The following RBBP4 variants were observed in gnomAD, a reference collection of about 807,000 sequenced individuals.
RBBP4 encodes the protein histone-binding protein RBBP4.
Under a neutral mutation model 57.2 loss-of-function variants are expected in RBBP4, and 3 were observed. The ratio of observed to expected loss-of-function variants is 0.05; its 90% confidence interval spans 0.02 to 0.14. The LOEUF (loss-of-function observed/expected upper bound fraction) is 0.14, where lower values mean the gene tolerates loss of function less well. Ranked by LOEUF, RBBP4 falls within the 10% of genes least tolerant of loss-of-function variation. The pLI is 1.00. For synonymous variants in RBBP4, 151 were observed against 171.5 expected (o/e 0.88, Z 0.93); for missense variants, 107 against 520.6 (o/e 0.21, Z 7.73).
At chr1:32,658,044 G>A (rs1042637017) in intron 3 of RBBP4, among the ~76,000 whole-genome samples, 23 of 151,978 alleles carry the variant, frequency 1.5e-4, no homozygotes, top group Admixed American at 2.6e-4. Flanking sequence ...GTGGAGACAG[G>A]GTTTCACCAA....
Position 32,680,531 on chromosome 1 carries a change from A to G in RBBP4, c.*826A>G. On this transcript the variant is annotated 3_prime_UTR_variant, in exon 12 of 12. Coordinates refer to ENST00000373493, the MANE Select transcript of RBBP4 (RefSeq NM_005610.3). ...GAGTTGCTTTTTTTTTTTAGGAGTT[A>G]GTCCTTGACCACTAGTTTGATGCCA... The G allele has an allele frequency of 1.3e-6, 2 of 1,528,504 alleles. No individual in the cohort carries two copies. Among genetic ancestry groups the G allele is most frequent in the Non-Finnish European group, 1.8e-6 (2 of 1,134,346 alleles). The allele number at this position is 1,528,504 out of a possible 1,614,324, so 94.7% of individuals were successfully genotyped here.
At chr1:32,659,233 CAA>C (rs1278433807) in intron 3 of RBBP4, among the ~76,000 whole-genome samples, 1 of 150,970 alleles carries the variant, frequency 6.6e-6, no homozygotes. Flanking sequence ...ATTTTACACA[CAA>C]TGTAAAAAAC....
Position 32,669,380 on chromosome 1 carries a change from G to A in RBBP4, c.888+23G>A. 6.3e-7 allele frequency: 1 copy of A among 1,582,416 alleles called. No individual in the cohort carries two copies. The highest frequency in any genetic ancestry group is 8.5e-7 in the Non-Finnish European group (1 of 1,170,338). ...AAGGTCAGTTTCGTTTATTTTAATA[G>A]AAAACATAATTTCTCTAGGTTTTTT... On this transcript the variant is annotated intron_variant, in intron 7 of 11. Transcript: ENST00000373493. This position sits in a 1 kb window ranked among gnomAD's most constrained non-coding sequence, Gnocchi z 4.9.
chr1:32,657,309 C>G, intron 2 of RBBP4, 118 bp from the exon 3 acceptor site: 1 of 986,146 alleles, frequency 1.0e-6, no homozygotes, highest in Non-Finnish European at 1.5e-6. Context: ...CCCTTAATGA[C>G]TTTTTCCCCT....
chr1:32,653,948 G>C (rs922176930), intron 2 of RBBP4, among the ~76,000 whole-genome samples: 1 of 151,882 alleles, frequency 6.6e-6, no homozygotes, highest in African/African-American at 2.4e-5. Flanking sequence ...GTGAGCCACC[G>C]CGCCCGGCCT....
chr1:32,673,043 C>T (rs566489658), intron 11 of RBBP4, 142 bp downstream of exon 11: 1 of 705,074 alleles, frequency 1.4e-6, no homozygotes, highest in Admixed American at 2.8e-5. Flanking sequence ...TATACATTAT[C>T]ATTTTCAGCT....
intron 3 of RBBP4, among the ~76,000 whole-genome samples, chr1:32,662,670 A>G (rs2148521800): frequency 6.6e-6 from 1 of 151,824 alleles, no homozygotes; most frequent in East Asian, 2.0e-4. Flanking sequence ...CACCATGCCC[A>G]GCCTAGTTTT....
In RBBP4 at chr1:32,685,660, G is replaced by A. The variant is rs1459454557; in HGVS notation, c.*5955G>A. ...AGTGCCCAGCCATGCCTAAGAGTGT[G>A]TCATCTGAAGAGGGAAGCATCTGCA... On this transcript the variant is annotated 3_prime_UTR_variant, in exon 12 of 12. Coordinates refer to ENST00000373493, the MANE Select transcript of RBBP4 (RefSeq NM_005610.3). The A allele has an allele frequency of 2.0e-5, 3 of 152,194 alleles. No individual in the cohort carries two copies. The highest frequency in any genetic ancestry group is 2.9e-5 in the Non-Finnish European group (2 of 68,080). 9.4% of individuals were successfully genotyped at this position (152,194 alleles called of 1,614,324 possible). A position where few individuals can be genotyped will look rare whatever the true frequency, so the allele number is the denominator to read the frequency against.
chr1:32,683,863 C>G lies in RBBP4; in HGVS notation c.*4158C>G, dbSNP rs1649618094. 1 of 708,584 alleles carries G rather than the reference C, an allele frequency of 1.4e-6. No homozygotes were observed. The highest frequency in any genetic ancestry group is 2.7e-5 in the East Asian group (1 of 37,022). The allele number at this position is 708,584 out of a possible 1,614,324, so 43.9% of individuals were successfully genotyped here. ...GGCCAGGCTGGTCTTGAACTCCTGA[C>G]TCCAGGTGATCCACCCTCCTCAGCC... On this transcript the variant is annotated 3_prime_UTR_variant, in exon 12 of 12. Transcript: ENST00000373493.
At chr1:32,677,822 A>AG (rs1649170717) in intron 11 of RBBP4, among the ~76,000 whole-genome samples, 1 of 152,190 alleles carries the variant, frequency 6.6e-6, no homozygotes, top group Non-Finnish European at 1.5e-5. Flanking sequence ...GTCAGATCAC[A>AG]AGCTCTTTGA....
chr1:32,654,879 G>A (rs562219337), intron 2 of RBBP4, among the ~76,000 whole-genome samples: 1 of 152,124 alleles, frequency 6.6e-6, no homozygotes, highest in Non-Finnish European at 1.5e-5. Context: ...ATTTTTAGTA[G>A]AGATGGGGTT....
chr1:32,684,459 A>G lies in RBBP4; in HGVS notation c.*4754A>G, dbSNP rs1178810240. On this transcript the variant is annotated 3_prime_UTR_variant, in exon 12 of 12. Coordinates refer to ENST00000373493, the MANE Select transcript of RBBP4 (RefSeq NM_005610.3). The stretch of plus-strand genomic sequence containing the variant: ...CATTGTCCACTCTTACTTATAAAAC[A>G]CTTTTTTGTTCATTGTTTAATCTTG... 1.9e-6 allele frequency: 3 copies of G among 1,596,118 alleles called. No homozygotes were observed. Among genetic ancestry groups the G allele is most frequent in the Admixed American group, 3.4e-5 (2 of 58,102 alleles).
At chr1:32,657,375 G>A (rs374819762) in intron 2 of RBBP4, 52 bp from the exon 3 acceptor site, 10 of 1,545,704 alleles carry the variant, frequency 6.5e-6, no homozygotes, top group African/African-American at 5.5e-5. Context: ...TGTTGACTTC[G>A]CCGTCTCCTG....
At chr1:32,660,494 G>A (rs1471587480) in intron 3 of RBBP4, among the ~76,000 whole-genome samples, 1 of 151,658 alleles carries the variant, frequency 6.6e-6, no homozygotes, top group Non-Finnish European at 1.5e-5. Context: ...TCTGCTCACT[G>A]CAACCTCCGT....
At position 32,684,053 on chromosome 1, in the gene RBBP4, A is replaced by T; in HGVS notation, c.*4348A>T. 6.2e-7 allele frequency: 1 copy of T among 1,614,258 alleles called. No homozygotes were observed. Among genetic ancestry groups the T allele is most frequent in the Non-Finnish European group, 8.5e-7 (1 of 1,180,040 alleles). On this transcript the variant is annotated 3_prime_UTR_variant, in exon 12 of 12. Coordinates refer to ENST00000373493, the MANE Select transcript of RBBP4 (RefSeq NM_005610.3). ...TTCCACCTGCCTGAGAAGTGGGAGC[A>T]TCAGCCTGTTCCAGGCTCTTGGGTA...
chr1:32,684,257 C>A lies in RBBP4; in HGVS notation c.*4552C>A, dbSNP rs1475682436. 1 of 1,614,066 alleles carries A rather than the reference C, an allele frequency of 6.2e-7. No individual in the cohort carries two copies. The highest frequency in any genetic ancestry group is 1.3e-5 in the African/African-American group (1 of 74,930). On this transcript the variant is annotated 3_prime_UTR_variant, in exon 12 of 12. Transcript: ENST00000373493. The stretch of plus-strand genomic sequence containing the variant: ...AGATTTGTATAGCAGCAGAAACTGA[C>A]TTATAAGTAGAGAGCTCTTCAGCAA...
intron 11 of RBBP4, among the ~76,000 whole-genome samples, chr1:32,675,650 T>G (rs1649068232): frequency 6.6e-6 from 1 of 151,890 alleles, no homozygotes; most frequent in South Asian, 2.1e-4. Context: ...GCGCCTGTAG[T>G]CCCAGCTACT....
Position 32,669,215 on chromosome 1 carries a change from T to A in RBBP4, c.762-16T>A. The A allele has an allele frequency of 8.1e-6, 13 of 1,607,780 alleles. 1 individual carries two copies. The highest frequency in any genetic ancestry group is 1.1e-5 in the Non-Finnish European group (13 of 1,178,392). Reference sequence around the variant, plus strand: ...CCATTTCAAGGTTTTTTTCCTTTGTTTTTTTTTCACTGAAGTTGGGATACT... The same window carrying A: ...CCATTTCAAGGTTTTTTTCCTTTGTATTTTTTTCACTGAAGTTGGGATACT... On this transcript the variant is annotated splice_polypyrimidine_tract_variant and intron_variant, in intron 6 of 11. Coordinates refer to ENST00000373493, the MANE Select transcript of RBBP4 (RefSeq NM_005610.3). This position sits in a 1 kb window ranked among gnomAD's most constrained non-coding sequence, Gnocchi z 4.9.
chr1:32,683,292 G>A lies in RBBP4; in HGVS notation c.*3587G>A, dbSNP rs1198964815. On this transcript the variant is annotated 3_prime_UTR_variant, in exon 12 of 12. Transcript: ENST00000373493. ...AAAAAAAAAAAAAAAAAAAGAGTAA[G>A]TCTGTGTAACATGAACATCTCTGCT... 6.7e-6 allele frequency: 1 copy of A among 148,614 alleles called. No individual in the cohort carries two copies. The highest frequency in any genetic ancestry group is 2.5e-5 in the African/African-American group (1 of 40,478). The allele number at this position is 148,614 out of a possible 1,614,324, so 9.2% of individuals were successfully genotyped here. A position where few individuals can be genotyped will look rare whatever the true frequency, so the allele number is the denominator to read the frequency against.
Sources: allele counts gnomAD v4.1 joint callset (sites outside exome capture counted in the v4.1 genomes callset), GRCh38; gene constraint gnomAD v4.1.1; non-coding constraint Gnocchi (gnomAD v3.1); transcripts MANE v1.5; gene names NCBI Gene and HGNC (gene_info 2026-07-23, HGNC 2026-07-21).